The following SH3RF2 variants were observed in gnomAD, a reference collection of about 807,000 sequenced individuals.
The protein encoded by SH3RF2 is SH3 domain containing ring finger 2, also known as E3 ubiquitin-protein ligase SH3RF2.
In SH3RF2, 43 loss-of-function variants were observed where a neutral mutation model predicts 59.0. That is an observed-to-expected ratio of 0.73 (90% CI 0.57 to 0.94). SH3RF2 has a LOEUF of 0.94. SH3RF2 is among the 40% of genes least tolerant of loss of function. The probability of loss-of-function intolerance (pLI) is 0.00; values close to 1 mark genes in which losing one functional copy is unlikely to be tolerated. For synonymous variants in SH3RF2, 391 were observed against 391.5 expected (o/e 1.00, Z 0.01); for missense variants, 930 against 940.1 (o/e 0.99, Z 0.14).
chr5:145,955,265 C>T (rs1722852580), intron 2 of SH3RF2, among the ~76,000 whole-genome samples: 1 of 152,120 alleles, frequency 6.6e-6, no homozygotes, highest in African/African-American at 2.4e-5. Context: ...AACATAGATG[C>T]AGCTGGAGGC....
In SH3RF2 at chr5:145,948,781, C is replaced by T. The variant is rs532302514; in HGVS notation, c.378+10475C>T. ...AACCCAGGTTGGTCTTAGGTTCCTC[C>T]GCAGGTTCCCAGTCTCCAGTGCTAT... On this transcript the variant is annotated intron_variant, in intron 2 of 9. Transcript: ENST00000359120. 1.6e-3 allele frequency among the ~76,000 whole-genome samples: 242 copies of T among 152,266 alleles called. 1 individual carries two copies. The highest frequency in any genetic ancestry group is 6.8e-3 in the Middle Eastern group (2 of 294).
chr5:146,036,900 A>G (rs1761954829), intron 5 of SH3RF2, among the ~76,000 whole-genome samples: 1 of 152,204 alleles, frequency 6.6e-6, no homozygotes, highest in Non-Finnish European at 1.5e-5. Flanking sequence ...GCACCGGGGA[A>G]AAGGAAGAAA....
At chr5:146,029,728 A>G (rs1761675455) in intron 5 of SH3RF2, among the ~76,000 whole-genome samples, 1 of 152,240 alleles carries the variant, frequency 6.6e-6, no homozygotes, top group Non-Finnish European at 1.5e-5. Flanking sequence ...ATGGGCCCCT[A>G]TATCACAACC....
intron 2 of SH3RF2, among the ~76,000 whole-genome samples, chr5:145,962,866 G>A (rs540156334): frequency 9.3e-5 from 14 of 150,112 alleles, no homozygotes; most frequent in Non-Finnish European, 1.5e-5. Flanking sequence ...AGTTCTTTAA[G>A]GGCAATCACT....
intron 1 of SH3RF2, among the ~76,000 whole-genome samples, chr5:145,937,597 A>AG (rs1757640468): frequency 6.6e-6 from 1 of 152,162 alleles, no homozygotes; most frequent in South Asian, 2.1e-4. Flanking sequence ...CTGTCCACAT[A>AG]GGCAATAAGC....
chr5:146,026,311 T>C (rs1291750207), intron 5 of SH3RF2, among the ~76,000 whole-genome samples: 2 of 152,192 alleles, frequency 1.3e-5, no homozygotes, highest in Non-Finnish European at 2.9e-5. Flanking sequence ...GTAACCTTTA[T>C]TTGCACAAGA....
intron 9 of SH3RF2, among the ~76,000 whole-genome samples, chr5:146,074,287 A>C (rs1279384650): frequency 6.6e-6 from 1 of 152,172 alleles, no homozygotes; most frequent in Non-Finnish European, 1.5e-5. Flanking sequence ...TCATACAATA[A>C]GTATTTGTTG....
chr5:146,075,385 C>T (rs148689249), intron 9 of SH3RF2, among the ~76,000 whole-genome samples: 55 of 152,218 alleles, frequency 3.6e-4, no homozygotes, highest in Admixed American at 1.3e-3. Context: ...CCATGTTAAT[C>T]GTAGAAACTA....
intron 2 of SH3RF2, chr5:145,997,713 A>G: frequency 1.3e-6 from 2 of 1,568,166 alleles, no homozygotes; most frequent in Non-Finnish European, 1.7e-6. Flanking sequence ...GGTATATGCT[A>G]CAAGCCAGCA....
intron 5 of SH3RF2, among the ~76,000 whole-genome samples, chr5:146,028,916 T>C (rs1313419586): frequency 6.6e-6 from 1 of 152,214 alleles, no homozygotes; most frequent in African/African-American, 2.4e-5. Flanking sequence ...AACGCGCTCC[T>C]AGCTGGAGAA....
At chr5:146,039,312 A>G (rs1214650779) in intron 5 of SH3RF2, among the ~76,000 whole-genome samples, 1 of 152,210 alleles carries the variant, frequency 6.6e-6, no homozygotes, top group Non-Finnish European at 1.5e-5. Context: ...GAAAAATCAG[A>G]ACTTCAGTTC....
At chr5:146,081,383 T>C (rs1182714247) in exon 10 of SH3RF2, 1 of 152,168 alleles carries the variant, frequency 6.6e-6, no homozygotes, top group East Asian at 1.9e-4. Flanking sequence ...CCATCGGTTT[T>C]CAAAAAACTA....
In SH3RF2 at chr5:145,938,101, C is replaced by G. The variant is rs771286807; in HGVS notation, c.173C>G (p.Ser58Cys). Residue 58 changes from serine (S) to cysteine (C), a missense_variant, in exon 2 of 10, where the codon TCC becomes TGC. By Grantham distance (112) the Ser-to-Cys change is moderately radical. Coordinates refer to ENST00000359120, the MANE Select transcript of SH3RF2 (RefSeq NM_152550.4). ...RCPECRTPVF[S>C]NIEALPANLL... ...CCCGAATGCAGGACGCCTGTGTTTT[C>G]CAACATTGAGGCGCTGCCGGCCAAC... 1 of 1,614,228 alleles carries G rather than the reference C, an allele frequency of 6.2e-7. No homozygotes were observed. Among genetic ancestry groups the G allele is most frequent in the South Asian group, 1.1e-5 (1 of 91,090 alleles).
At chr5:145,941,749 C>A (rs1214674709) in intron 2 of SH3RF2, among the ~76,000 whole-genome samples, 1 of 152,170 alleles carries the variant, frequency 6.6e-6, no homozygotes, top group Non-Finnish European at 1.5e-5. Context: ...GTCACTTAAA[C>A]CTCAGGTCCT....
intron 5 of SH3RF2, among the ~76,000 whole-genome samples, chr5:146,046,995 G>A (rs113267407): frequency 0.033 from 5,024 of 152,140 alleles, 281 homozygotes; most frequent in African/African-American, 0.12. Context: ...TGGTTCAAGC[G>A]ATTCTCCCAG....
At chr5:146,076,188 C>T (rs139535489) in intron 9 of SH3RF2, among the ~76,000 whole-genome samples, 80 of 152,296 alleles carry the variant, frequency 5.3e-4, no homozygotes, top group African/African-American at 1.8e-3. Context: ...AGAAATGTTA[C>T]ATCACAATAA....
intron 2 of SH3RF2, among the ~76,000 whole-genome samples, chr5:145,985,881 G>A (rs959437147): frequency 1.3e-5 from 2 of 152,016 alleles, no homozygotes; most frequent in African/African-American, 4.8e-5. Context: ...GAGTGTGCCT[G>A]TAGTCCTGGC....
chr5:145,941,092 A>C (rs1413103689), intron 2 of SH3RF2, among the ~76,000 whole-genome samples: 1 of 152,202 alleles, frequency 6.6e-6, no homozygotes, highest in Non-Finnish European at 1.5e-5. Flanking sequence ...ACAGGGCACC[A>C]TTTTGTAAAA....
intron 2 of SH3RF2, among the ~76,000 whole-genome samples, chr5:145,968,507 T>C (rs1758951046): frequency 6.6e-6 from 1 of 152,142 alleles, no homozygotes; most frequent in Admixed American, 6.5e-5. Flanking sequence ...TGTGGGTTTA[T>C]ATATGCATAG....
Sources: allele counts gnomAD v4.1 joint callset (sites outside exome capture counted in the v4.1 genomes callset), GRCh38; gene constraint gnomAD v4.1.1; transcripts MANE v1.5; gene names NCBI Gene and HGNC (gene_info 2026-07-23, HGNC 2026-07-21).